NCKAP1: variants seen among roughly 807,000 people sequenced by gnomAD.
The protein encoded by NCKAP1 is nck-associated protein 1.
Under a neutral mutation model 151.2 loss-of-function variants are expected in NCKAP1, and 21 were observed. The observed-to-expected ratio is 0.14, with a 90% CI of 0.10 to 0.20. NCKAP1 has a LOEUF of 0.20. NCKAP1 is among the 10% of genes least tolerant of loss of function. The pLI is 1.00. For missense variants in NCKAP1, 933 were observed against 1,352.1 expected (o/e 0.69, Z 4.86); for synonymous variants, 484 against 451.8 (o/e 1.07, Z -0.90).
intron 23 of NCKAP1, among the ~76,000 whole-genome samples, chr2:182,949,622 C>T (rs1404764716): frequency 2.0e-5 from 3 of 152,020 alleles, no homozygotes; most frequent in East Asian, 1.9e-4. Flanking sequence ...GGCAATATGG[C>T]GAAACCCTGT....
chr2:182,930,824 G>C, intron 26 of NCKAP1, 36 bp from the exon 27 acceptor site: 3 of 1,547,266 alleles, frequency 1.9e-6, no homozygotes, highest in African/African-American at 2.7e-5. Flanking sequence ...GCAATAAATA[G>C]TCTAACAAAT....
At chr2:183,015,867 G>C (rs1698674019) in intron 2 of NCKAP1, among the ~76,000 whole-genome samples, 3 of 150,180 alleles carry the variant, frequency 2.0e-5, no homozygotes, top group Non-Finnish European at 4.4e-5. Flanking sequence ...AAATAACCAA[G>C]GGTGAGGATA....
chr2:182,987,805 T>C (rs1347220410), intron 9 of NCKAP1, among the ~76,000 whole-genome samples: 2 of 152,122 alleles, frequency 1.3e-5, no homozygotes, highest in East Asian at 1.9e-4. Context: ...CTATTTATCA[T>C]ATGACTGACA....
intron 18 of NCKAP1, among the ~76,000 whole-genome samples, chr2:182,958,421 A>C (rs1340733319): frequency 1.3e-5 from 2 of 152,164 alleles, no homozygotes; most frequent in Non-Finnish European, 2.9e-5. Context: ...TGGGATTACA[A>C]GCGTGAGCCA....
At chr2:182,951,662 A>C (rs1259052843) in intron 23 of NCKAP1, among the ~76,000 whole-genome samples, 1 of 149,688 alleles carries the variant, frequency 6.7e-6, no homozygotes, top group African/African-American at 2.4e-5. Flanking sequence ...ACAAACAAAC[A>C]AAAACTAAAA....
intron 17 of NCKAP1, among the ~76,000 whole-genome samples, chr2:182,963,552 C>A (rs1210690375): frequency 6.6e-6 from 1 of 152,052 alleles, no homozygotes; most frequent in South Asian, 2.1e-4. Context: ...AGCAAAGAGA[C>A]CACTTAGGTA....
At chr2:183,026,934 T>C (rs187511115) in intron 1 of NCKAP1, among the ~76,000 whole-genome samples, 216 of 152,334 alleles carry the variant, frequency 1.4e-3, no homozygotes, top group African/African-American at 5.0e-3. Context: ...ACAGTCTTTA[T>C]CATAATATAT....
rs865849319 is a variant in NCKAP1, at chr2:182,961,473, G to A, written c.1881+686C>T. On this transcript the variant is annotated intron_variant, in intron 18 of 30. Coordinates refer to ENST00000361354, the MANE Select transcript of NCKAP1 (RefSeq NM_013436.5). ...AAACCATCATTCTCAGCAAACTATCGCAAGGACAAAAAACCAACCACCACA... is the reference window on the plus strand; with the variant it reads ...AAACCATCATTCTCAGCAAACTATCACAAGGACAAAAAACCAACCACCACA... 1.8e-4 allele frequency among the ~76,000 whole-genome samples: 27 copies of A among 152,120 alleles called. No homozygotes were observed. In the South Asian group the frequency reaches 2.5e-3, roughly 14 times the overall value.
chr2:183,031,661 C>T (rs571742052), intron 1 of NCKAP1, among the ~76,000 whole-genome samples: 2 of 152,328 alleles, frequency 1.3e-5, no homozygotes, highest in East Asian at 1.9e-4. Flanking sequence ...ATTTCCTCAG[C>T]TCTTACGCTT....
chr2:182,943,218 G>T (rs1697032888), intron 23 of NCKAP1, among the ~76,000 whole-genome samples: 1 of 152,074 alleles, frequency 6.6e-6, no homozygotes, highest in Non-Finnish European at 1.5e-5. Context: ...AGACCTGGTT[G>T]GGAAGGTGCA....
In NCKAP1 at chr2:182,983,364, TTCTC is replaced by T; in HGVS notation, c.1019_1022del (p.Arg340LysfsTer6). 1 of 1,612,488 alleles carries T rather than the reference TTCTC, an allele frequency of 6.2e-7. No homozygotes were observed. The highest frequency in any genetic ancestry group is 8.5e-7 in the Non-Finnish European group (1 of 1,178,668). ...GTGCAGATCTTAAAAACTTGCGTCT[TTCTC>T]TGTGCATTGAACCACTATGGGGAAA... On this transcript the variant is annotated frameshift_variant, in exon 11 of 31. Transcript: ENST00000361354. LOFTEE classifies it high-confidence loss of function.
At chr2:182,969,914 G>T (rs1254335103) in intron 15 of NCKAP1, among the ~76,000 whole-genome samples, 1 of 151,494 alleles carries the variant, frequency 6.6e-6, no homozygotes, top group African/African-American at 2.4e-5. Flanking sequence ...AAAGAAAGAA[G>T]ACCCCAAAAA....
Position 182,928,776 on chromosome 2 carries a change from C to T in NCKAP1, c.3070+7G>A. 1 of 1,554,756 alleles carries T rather than the reference C, an allele frequency of 6.4e-7. No homozygotes were observed. Among genetic ancestry groups the T allele is most frequent in the Non-Finnish European group, 8.8e-7 (1 of 1,140,768 alleles). On this transcript the variant is annotated splice_region_variant and intron_variant, in intron 28 of 30. Coordinates refer to ENST00000361354, the MANE Select transcript of NCKAP1 (RefSeq NM_013436.5). ...TCATCGCCAAAACAATTTTAAACCACTATTACCTTCTATAGCAGGGCTGTA... is the reference window on the plus strand; with the variant it reads ...TCATCGCCAAAACAATTTTAAACCATTATTACCTTCTATAGCAGGGCTGTA...
chr2:183,010,779 A>G (rs981830864), intron 2 of NCKAP1, among the ~76,000 whole-genome samples: 1 of 152,330 alleles, frequency 6.6e-6, no homozygotes, highest in Admixed American at 6.5e-5. Context: ...TTTTGTATAA[A>G]GGGTATCACA....
chr2:183,037,578 C>A (rs1002828334), intron 1 of NCKAP1, among the ~76,000 whole-genome samples: 1 of 152,218 alleles, frequency 6.6e-6, no homozygotes, highest in East Asian at 1.9e-4. Flanking sequence ...TTCACTGCTG[C>A]CATCTCCGTA....
chr2:182,972,757 C>T (rs1227096621), intron 15 of NCKAP1, among the ~76,000 whole-genome samples: 1 of 151,968 alleles, frequency 6.6e-6, no homozygotes, highest in African/African-American at 2.4e-5. Flanking sequence ...ACAACATAGA[C>T]GGAACTGGAA....
At position 183,038,097 on chromosome 2, in the gene NCKAP1, C is replaced by CATGGTG; in HGVS notation, c.-4_2dup (p.Ala1_?0). 6.4e-7 allele frequency: 1 copy of CATGGTG among 1,562,472 alleles called. No individual in the cohort carries two copies. Among genetic ancestry groups the CATGGTG allele is most frequent in the Non-Finnish European group, 8.6e-7 (1 of 1,163,964 alleles). ...GACTGGGCTGCAGCACTGAGCGCGACATGGTGGTGCTGGTGCCGCCGCCGC... is the reference window on the plus strand; with the variant it reads ...GACTGGGCTGCAGCACTGAGCGCGACATGGTGATGGTGGTGCTGGTGCCGCCGCCGC... On this transcript the variant is annotated start_lost and start_retained_variant, in exon 1 of 31. Coordinates refer to ENST00000361354, the MANE Select transcript of NCKAP1 (RefSeq NM_013436.5).
At chr2:182,931,295 T>G (rs1256408177) in intron 26 of NCKAP1, among the ~76,000 whole-genome samples, 2 of 152,106 alleles carry the variant, frequency 1.3e-5, no homozygotes, top group African/African-American at 4.8e-5. Context: ...GAAAGTAATT[T>G]TTCTGTATCA....
intron 18 of NCKAP1, among the ~76,000 whole-genome samples, chr2:182,958,690 C>T (rs1697376086): frequency 1.3e-5 from 2 of 152,018 alleles, no homozygotes; most frequent in African/African-American, 2.4e-5. Context: ...AGGTTTCTAC[C>T]TAACACATTG....
Sources: gnomAD v4.1 joint callset for allele counts (sites outside exome capture counted in the v4.1 genomes callset) on GRCh38, gnomAD v4.1.1 for gene constraint, MANE v1.5 for transcripts, NCBI Gene and HGNC (gene_info 2026-07-23, HGNC 2026-07-21) for gene names.